Variants in TCF4 observed in about 807,000 individuals in gnomAD.
The protein encoded by TCF4 is transcription factor 4.
TCF4 carries 3 observed loss-of-function variants against 82.1 expected under a neutral mutation model. That is an observed-to-expected ratio of 0.04 (90% CI 0.02 to 0.09). TCF4 has a LOEUF of 0.09. Among genes scored for constraint, TCF4 ranks in the 10% least tolerant of loss-of-function variants. TCF4 has a pLI of 1.00. For synonymous variants in TCF4, 276 were observed against 309.6 expected (o/e 0.89, Z 1.14); for missense variants, 518 against 852.7 (o/e 0.61, Z 4.89).
intron 3 of TCF4, among the ~76,000 whole-genome samples, chr18:55,559,465 T>A (rs1454124832): frequency 6.6e-6 from 1 of 152,128 alleles, no homozygotes; most frequent in Non-Finnish European, 1.5e-5. Flanking sequence ...TGTACATGAA[T>A]ATATTCTTTA....
chr18:55,293,107 G>C (rs1471982901), intron 8 of TCF4, among the ~76,000 whole-genome samples: 1 of 151,884 alleles, frequency 6.6e-6, no homozygotes, highest in Non-Finnish European at 1.5e-5. Context: ...CTTCAAAATG[G>C]TTAATTTTAC....
At chr18:55,377,270 C>A (rs2090994177) in intron 6 of TCF4, among the ~76,000 whole-genome samples, 1 of 152,146 alleles carries the variant, frequency 6.6e-6, no homozygotes, top group Non-Finnish European at 1.5e-5. Context: ...AGTTCAAGAC[C>A]AGCCTGGGCA....
At chr18:55,398,122 T>C (rs2093605988) in intron 6 of TCF4, among the ~76,000 whole-genome samples, 1 of 152,170 alleles carries the variant, frequency 6.6e-6, no homozygotes, top group African/African-American at 2.4e-5. Context: ...AACACACCAC[T>C]ACAGGGTCAA....
intron 2 of TCF4, chr18:55,585,559 T>C: frequency 1.6e-6 from 1 of 635,210 alleles, no homozygotes; most frequent in South Asian, 2.0e-5. Context: ...GTTCTTTCTT[T>C]TTCCTCAGGT....
intron 5 of TCF4, among the ~76,000 whole-genome samples, chr18:55,437,849 ATAT>A (rs2095361304): frequency 6.6e-6 from 1 of 152,194 alleles, no homozygotes; most frequent in African/African-American, 2.4e-5. Context: ...CACTCATCAG[ATAT>A]ATGTCAGATA....
At chr18:55,366,143 G>T (rs530323524) in intron 6 of TCF4, among the ~76,000 whole-genome samples, 3 of 152,036 alleles carry the variant, frequency 2.0e-5, no homozygotes, top group Non-Finnish European at 4.4e-5. Context: ...CATGAAAAGT[G>T]ATTCTTGATT....
intron 3 of TCF4, among the ~76,000 whole-genome samples, chr18:55,542,544 G>C (rs2097173125): frequency 6.6e-6 from 1 of 151,920 alleles, no homozygotes; most frequent in Non-Finnish European, 1.5e-5. Context: ...ATACTTACCA[G>C]TAATAACATT....
chr18:55,627,297 T>G (rs1000298075), intron 2 of TCF4, among the ~76,000 whole-genome samples: 1 of 151,964 alleles, frequency 6.6e-6, no homozygotes, highest in African/African-American at 2.4e-5. Context: ...TGTGGAGTGA[T>G]AGAGAGAAAA....
chr18:55,551,206 A>C (rs1261528092), intron 3 of TCF4: 2 of 152,152 alleles, frequency 1.3e-5, no homozygotes, highest in Non-Finnish European at 2.9e-5. Context: ...CAGCCTCCCA[A>C]AGTGCTGGGA....
intron 5 of TCF4, among the ~76,000 whole-genome samples, chr18:55,414,551 CA>C (rs767485209): frequency 1.3e-3 from 202 of 152,264 alleles, no homozygotes; most frequent in African/African-American, 4.1e-3. Context: ...ATCACTTATA[CA>C]AACTAAATTA....
chr18:55,530,563 G>C (rs138886352), intron 3 of TCF4, among the ~76,000 whole-genome samples: 7 of 137,024 alleles, frequency 5.1e-5, no homozygotes, highest in Admixed American at 7.1e-5. Context: ...CCCTGAAAAG[G>C]GGGGGGGAAA....
chr18:55,263,664 A>G (rs886723615), intron 11 of TCF4, among the ~76,000 whole-genome samples: 1 of 152,080 alleles, frequency 6.6e-6, no homozygotes. Context: ...AATAATAATG[A>G]TGTGAAATAT....
intron 2 of TCF4, chr18:55,586,289 T>C: frequency 1.2e-6 from 1 of 856,798 alleles, no homozygotes; most frequent in Admixed American, 2.2e-5. Flanking sequence ...TGGATTCTTT[T>C]TATTTTGCTT....
chr18:55,321,285 T>G (rs576067160), intron 8 of TCF4: 22 of 228,274 alleles, frequency 9.6e-5, no homozygotes, highest in Non-Finnish European at 1.4e-4. Flanking sequence ...AACTTGGGCT[T>G]TCTCAATTCT....
intron 9 of TCF4, among the ~76,000 whole-genome samples, chr18:55,279,302 C>A (rs1330877735): frequency 1.3e-5 from 2 of 152,170 alleles, no homozygotes; most frequent in African/African-American, 4.8e-5. Context: ...TCATAAGCAT[C>A]GGCTCTAAGT....
At chr18:55,585,678 T>C in intron 2 of TCF4, 1 of 907,106 alleles carries the variant, frequency 1.1e-6, no homozygotes, top group Non-Finnish European at 1.4e-6. Flanking sequence ...AAAACACTAG[T>C]TTCACCAAGG....
chr18:55,551,840 G>A (rs1477297155), intron 3 of TCF4: 1 of 152,066 alleles, frequency 6.6e-6, no homozygotes, highest in South Asian at 2.1e-4. Flanking sequence ...AGATTTAAAA[G>A]AGCACAAGGA....
chr18:55,240,681 T>C (rs1404281288), intron 15 of TCF4, among the ~76,000 whole-genome samples: 3 of 152,212 alleles, frequency 2.0e-5, no homozygotes, highest in African/African-American at 7.2e-5. Flanking sequence ...CTACCTCTAA[T>C]AACCACCTGT....
intron 15 of TCF4, among the ~76,000 whole-genome samples, chr18:55,245,898 G>A (rs1384740967): frequency 6.6e-6 from 1 of 152,086 alleles, no homozygotes; most frequent in Non-Finnish European, 1.5e-5. Context: ...TCTTTTACAC[G>A]TTTATGCATC....
Sources: allele counts gnomAD v4.1 joint callset (sites outside exome capture counted in the v4.1 genomes callset), GRCh38; gene constraint gnomAD v4.1.1; transcripts MANE v1.5; gene names NCBI Gene and HGNC (gene_info 2026-07-23, HGNC 2026-07-21).